The following SLCO4C1 variants were observed in gnomAD, a reference collection of about 807,000 sequenced individuals.
SLCO4C1 encodes organic anion transporter M1.
Under a neutral mutation model 72.1 loss-of-function variants are expected in SLCO4C1, and 58 were observed. The ratio of observed to expected loss-of-function variants is 0.80; its 90% CI spans 0.65 to 1.00. The LOEUF is 1.00. Ranked by LOEUF, SLCO4C1 falls within the 50% of genes least tolerant of loss-of-function variation. The probability of loss-of-function intolerance (pLI) is 0.00; values close to 1 mark genes in which losing one functional copy is unlikely to be tolerated. For synonymous variants in SLCO4C1, 297 were observed against 312.5 expected (o/e 0.95, Z 0.52); for missense variants, 898 against 857.9 (o/e 1.05, Z -0.58).
intron 8 of SLCO4C1, among the ~76,000 whole-genome samples, chr5:102,250,363 G>C (rs1248113999): frequency 6.6e-6 from 1 of 152,102 alleles, no homozygotes; most frequent in African/African-American, 2.4e-5. Context: ...CTGCCTCTTA[G>C]AGAAAACATC....
At chr5:102,266,796 C>A (rs567639686) in intron 3 of SLCO4C1, among the ~76,000 whole-genome samples, 1 of 152,002 alleles carries the variant, frequency 6.6e-6, no homozygotes, top group African/African-American at 2.4e-5. Flanking sequence ...TGTTGATGTA[C>A]GTTCCTTTTA....
At chr5:102,238,282 A>G (rs1428002727) in intron 12 of SLCO4C1, among the ~76,000 whole-genome samples, 6 of 152,182 alleles carry the variant, frequency 3.9e-5, no homozygotes, top group Non-Finnish European at 7.4e-5. Context: ...AATTAAATAA[A>G]TTTTAAACAT....
chr5:102,253,919 A>G (rs1316494885), intron 8 of SLCO4C1, among the ~76,000 whole-genome samples: 1 of 151,742 alleles, frequency 6.6e-6, no homozygotes, highest in Non-Finnish European at 1.5e-5. Context: ...ACAAATCTGC[A>G]CATGTACCCC....
intron 2 of SLCO4C1, among the ~76,000 whole-genome samples, chr5:102,279,180 A>C (rs1353444160): frequency 6.6e-6 from 1 of 151,942 alleles, no homozygotes; most frequent in Non-Finnish European, 1.5e-5. Context: ...CAGACAAAGA[A>C]AATATAATAA....
chr5:102,248,297 A>G (rs1399971810), intron 9 of SLCO4C1, among the ~76,000 whole-genome samples: 3 of 152,114 alleles, frequency 2.0e-5, no homozygotes, highest in African/African-American at 7.2e-5. Context: ...TAAGAAAAAT[A>G]TTGTGGATCA....
At chr5:102,237,122 T>C in intron 12 of SLCO4C1, 104 bp from the exon 13 acceptor site, 1 of 1,141,992 alleles carries the variant, frequency 8.8e-7, no homozygotes, top group Non-Finnish European at 1.2e-6. Flanking sequence ...AGAGAATAAT[T>C]ACATAACCAT....
chr5:102,289,642 C>T (rs1250934020), intron 2 of SLCO4C1, among the ~76,000 whole-genome samples: 1 of 152,180 alleles, frequency 6.6e-6, no homozygotes. Flanking sequence ...CTAAAGCCTA[C>T]GCTGCAATAT....
chr5:102,273,047 A>T (rs1209980001), intron 2 of SLCO4C1, among the ~76,000 whole-genome samples: 1 of 152,172 alleles, frequency 6.6e-6, no homozygotes, highest in East Asian at 1.9e-4. Flanking sequence ...TTGTTCTATA[A>T]AACATAAAAG....
intron 3 of SLCO4C1, among the ~76,000 whole-genome samples, chr5:102,267,466 C>T (rs1201639345): frequency 6.6e-6 from 1 of 151,572 alleles, no homozygotes; most frequent in Non-Finnish European, 1.5e-5. Context: ...AGCTGTGATG[C>T]CTTCTATTTT....
At chr5:102,239,193 A>ATT (rs199652834) in intron 12 of SLCO4C1, 58 bp downstream of exon 12, 1,725 of 1,156,106 alleles carry the variant, frequency 1.5e-3, no homozygotes, top group South Asian at 5.1e-3. Flanking sequence ...CAACAATGAG[A>ATT]TTTTTTTTTT....
chr5:102,287,797 G>A (rs982817166), intron 2 of SLCO4C1, among the ~76,000 whole-genome samples: 8 of 151,682 alleles, frequency 5.3e-5, no homozygotes, highest in South Asian at 2.1e-4. Context: ...CTTGTGATCC[G>A]CCCACCTTGG....
intron 8 of SLCO4C1, among the ~76,000 whole-genome samples, chr5:102,250,452 T>C (rs1263536142): frequency 6.6e-6 from 1 of 152,156 alleles, no homozygotes; most frequent in Non-Finnish European, 1.5e-5. Flanking sequence ...ACAACATATA[T>C]TGAGCAACTG....
intron 9 of SLCO4C1, among the ~76,000 whole-genome samples, chr5:102,248,078 T>G (rs557358997): frequency 6.6e-6 from 1 of 152,102 alleles, no homozygotes; most frequent in South Asian, 2.1e-4. Context: ...TTAAAAATTT[T>G]AAGGAGAGAA....
chr5:102,270,646 TG>T lies in SLCO4C1; in HGVS notation c.779del (p.Thr260AsnfsTer8). 1 of 1,611,976 alleles carries T rather than the reference TG, an allele frequency of 6.2e-7. No individual in the cohort carries two copies. Among genetic ancestry groups the T allele is most frequent in the Admixed American group, 1.7e-5 (1 of 59,702 alleles). Reference protein sequence around the residue: ...GTAFLDDSVPTHKSSLYIGTG... With the variant: ...GTAFLDDSVPXHKSSLYIGTG... ...TACCTATATAGAGAGAAGACTTGTG[TG>T]TGGGCACAGAATCATCAAGAAAGGC... On this transcript the variant is annotated frameshift_variant, in exon 3 of 13. Coordinates refer to ENST00000310954, the MANE Select transcript of SLCO4C1 (RefSeq NM_180991.5). LOFTEE classifies it high-confidence loss of function.
At chr5:102,268,559 T>G (rs1051247737) in intron 3 of SLCO4C1, among the ~76,000 whole-genome samples, 4 of 152,176 alleles carry the variant, frequency 2.6e-5, no homozygotes, top group Non-Finnish European at 5.9e-5. Flanking sequence ...ATTCAGCCTA[T>G]CTATATTTTT....
chr5:102,249,875 G>T (rs1336896869), intron 8 of SLCO4C1, 87 bp from the exon 9 acceptor site: 11 of 1,330,718 alleles, frequency 8.3e-6, no homozygotes, highest in Non-Finnish European at 1.1e-5. Flanking sequence ...TTACCATTAG[G>T]TCATTTATTC....
chr5:102,272,646 A>T (rs1421407423), intron 2 of SLCO4C1, among the ~76,000 whole-genome samples: 1 of 152,188 alleles, frequency 6.6e-6, no homozygotes, highest in Non-Finnish European at 1.5e-5. Context: ...CAAAACGGGG[A>T]TTTAATAAGC....
chr5:102,257,738 C>T (rs10070103), intron 7 of SLCO4C1, among the ~76,000 whole-genome samples: 17,857 of 151,710 alleles, frequency 0.12, 1,256 homozygotes, highest in African/African-American at 0.16. Context: ...CCCACCTCAG[C>T]CTCTGAAGGA....
chr5:102,272,247 C>T (rs1337724366), intron 2 of SLCO4C1, among the ~76,000 whole-genome samples: 11 of 152,182 alleles, frequency 7.2e-5, no homozygotes, highest in East Asian at 3.9e-4. Context: ...TTATTTATGG[C>T]GGCTTGATCT....
Sources: allele counts gnomAD v4.1 joint callset (sites outside exome capture counted in the v4.1 genomes callset), GRCh38; gene constraint gnomAD v4.1.1; transcripts MANE v1.5; gene names NCBI Gene and HGNC (gene_info 2026-07-23, HGNC 2026-07-21).